Variants in PHACTR1 observed in about 807,000 individuals in gnomAD.
The protein encoded by PHACTR1 is phosphatase and actin regulator 1.
Under a neutral mutation model 69.2 loss-of-function variants are expected in PHACTR1, and 16 were observed. The ratio of observed to expected loss-of-function variants is 0.23; its 90% CI spans 0.16 to 0.35. The LOEUF is 0.35. Ranked by LOEUF, PHACTR1 falls within the 10% of genes least tolerant of loss-of-function variation. The pLI is 1.00. For synonymous variants in PHACTR1, 312 were observed against 284.5 expected (o/e 1.10, Z -0.97); for missense variants, 510 against 734.7 (o/e 0.69, Z 3.54).
At chr6:13,164,381 C>G (rs1759479625) in intron 6 of PHACTR1, among the ~76,000 whole-genome samples, 1 of 152,086 alleles carries the variant, frequency 6.6e-6, no homozygotes, top group Non-Finnish European at 1.5e-5. Flanking sequence ...CTGGTCATTC[C>G]TCATTTTGCA....
chr6:12,860,004 CATTATT>C (rs1554153463), intron 4 of PHACTR1, among the ~76,000 whole-genome samples: 1 of 151,334 alleles, frequency 6.6e-6, no homozygotes, highest in Non-Finnish European at 1.5e-5. Flanking sequence ...TCATCATCAT[CATTATT>C]ATTATTATTA....
At position 13,230,320 on chromosome 6, in the gene PHACTR1, G is replaced by A. The variant is rs922332901; in HGVS notation, c.1391+127G>A. ...TAATCCCAGCACTTTGGGAGGCCGA[G>A]GCAGGTGGATCACATGAGGTCAGGA... On this transcript the variant is annotated intron_variant, in intron 10 of 14. Coordinates refer to ENST00000332995, the MANE Select transcript of PHACTR1 (RefSeq NM_030948.6). 6.0e-6 allele frequency: 9 copies of A among 1,510,484 alleles called. No individual in the cohort carries two copies. In the Admixed American group the frequency reaches 1.8e-4, roughly 30 times the overall value. 93.6% of individuals were successfully genotyped at this position (1,510,484 alleles called of 1,614,324 possible). A position where few individuals can be genotyped will look rare whatever the true frequency, so the allele number is the denominator to read the frequency against.
chr6:13,058,704 GAGGT>G (rs1807171602), intron 5 of PHACTR1, among the ~76,000 whole-genome samples: 1 of 152,210 alleles, frequency 6.6e-6, no homozygotes, highest in Non-Finnish European at 1.5e-5. Context: ...CTAAGGAAGA[GAGGT>G]TTGGGCTAGA....
intron 4 of PHACTR1, among the ~76,000 whole-genome samples, chr6:12,896,491 A>C (rs998644355): frequency 1.1e-4 from 17 of 152,192 alleles, no homozygotes; most frequent in African/African-American, 4.1e-4. Flanking sequence ...TGAACTGAGC[A>C]TGCCCGGATC....
At chr6:12,777,241 A>ATATATT (rs935217184) in intron 4 of PHACTR1, among the ~76,000 whole-genome samples, 4 of 134,140 alleles carry the variant, frequency 3.0e-5, no homozygotes, top group Admixed American at 1.5e-4. Flanking sequence ...ATATATATAT[A>ATATATT]TTTTTTTAAT....
chr6:13,010,687 C>G (rs1799349726), intron 4 of PHACTR1, among the ~76,000 whole-genome samples: 1 of 151,982 alleles, frequency 6.6e-6, no homozygotes, highest in Non-Finnish European at 1.5e-5. Context: ...TCTTAGGGCA[C>G]CCAACAAGTT....
chr6:12,759,122 CAAAA>C (rs1229879368), intron 4 of PHACTR1, among the ~76,000 whole-genome samples: 3 of 51,470 alleles, frequency 5.8e-5, no homozygotes, highest in African/African-American at 1.4e-4. Context: ...GACTCCACCT[CAAAA>C]AAAAAAAAAA....
intron 5 of PHACTR1, among the ~76,000 whole-genome samples, chr6:13,145,733 A>C (rs1374900654): frequency 2.6e-5 from 4 of 152,182 alleles, no homozygotes; most frequent in African/African-American, 9.6e-5. Flanking sequence ...GCAAGAAGGC[A>C]GCCATCCGCA....
chr6:12,859,247 T>C (rs182231252), intron 4 of PHACTR1, among the ~76,000 whole-genome samples: 2 of 152,316 alleles, frequency 1.3e-5, no homozygotes, highest in South Asian at 2.1e-4. Context: ...TACTGGCCAT[T>C]CTTTTTTAAT....
At chr6:13,134,329 A>C (rs1218110029) in intron 5 of PHACTR1, among the ~76,000 whole-genome samples, 1 of 152,228 alleles carries the variant, frequency 6.6e-6, no homozygotes, top group East Asian at 1.9e-4. Context: ...CATGATGACG[A>C]TGGCGGTTTT....
chr6:12,889,096 G>A (rs1783914721), intron 4 of PHACTR1, among the ~76,000 whole-genome samples: 2 of 151,958 alleles, frequency 1.3e-5, no homozygotes. Flanking sequence ...AACATAATGA[G>A]ACCCTGTCTC....
chr6:13,075,282 G>T (rs1354543477), intron 5 of PHACTR1, among the ~76,000 whole-genome samples: 2 of 152,180 alleles, frequency 1.3e-5, no homozygotes, highest in Non-Finnish European at 2.9e-5. Context: ...AACTGAGACA[G>T]AGAGGTTAAG....
rs1002647644 is a variant in PHACTR1 at position 12,884,886 on chromosome 6, A to C, written c.250+135096A>C. 6.6e-5 allele frequency among the ~76,000 whole-genome samples: 10 copies of C among 152,180 alleles called. 1 individual carries two copies. The highest frequency in any genetic ancestry group is 6.5e-4 in the Admixed American group (10 of 15,280). ...TAGTAACCCAATTTTGAAAAAGACT[A>C]ATCATAAATAAACACTTACAAGATG... is the stretch of plus-strand genomic sequence containing the variant. On this transcript the variant is annotated intron_variant, in intron 4 of 14. Transcript: ENST00000332995.
At chr6:13,187,260 T>TAG (rs759248584) in intron 7 of PHACTR1, among the ~76,000 whole-genome samples, 15 of 152,054 alleles carry the variant, frequency 9.9e-5, no homozygotes, top group Non-Finnish European at 1.8e-4. Context: ...TATATATACG[T>TAG]AGAGAGAGAG....
At chr6:13,073,152 A>G (rs1394835357) in intron 5 of PHACTR1, among the ~76,000 whole-genome samples, 1 of 151,614 alleles carries the variant, frequency 6.6e-6, no homozygotes, top group Admixed American at 6.6e-5. Flanking sequence ...CAGCTGGAAG[A>G]TCTCCGGATC....
At chr6:13,034,006 A>G (rs566174528) in intron 4 of PHACTR1, among the ~76,000 whole-genome samples, 1 of 143,758 alleles carries the variant, frequency 7.0e-6, no homozygotes, top group African/African-American at 2.5e-5. Context: ...TGTGAAGGAC[A>G]GGACTTTTTC....
intron 5 of PHACTR1, among the ~76,000 whole-genome samples, chr6:13,129,527 C>A (rs548469437): frequency 1.2e-3 from 175 of 152,046 alleles, no homozygotes; most frequent in African/African-American, 4.0e-3. Context: ...TCAGACAAAA[C>A]AGACTTTAAA....
At chr6:12,921,674 GGAA>G (rs754069736) in intron 4 of PHACTR1, among the ~76,000 whole-genome samples, 4 of 136,610 alleles carry the variant, frequency 2.9e-5, no homozygotes, top group South Asian at 2.7e-4. Flanking sequence ...AGGAGGGAAA[GGAA>G]GAAGGAGGAA....
intron 5 of PHACTR1, among the ~76,000 whole-genome samples, chr6:13,068,188 G>A (rs1023953780): frequency 3.9e-5 from 6 of 152,076 alleles, no homozygotes; most frequent in Admixed American, 2.0e-4. Flanking sequence ...ATAGTGGCGT[G>A]CGCCTGTAGT....
Sources: gnomAD v4.1 joint callset for allele counts (sites outside exome capture counted in the v4.1 genomes callset) on GRCh38, gnomAD v4.1.1 for gene constraint, MANE v1.5 for transcripts, NCBI Gene and HGNC (gene_info 2026-07-23, HGNC 2026-07-21) for gene names.